Variants in NR2F2 observed in about 807,000 individuals in gnomAD.
NR2F2 encodes the protein nuclear receptor subfamily 2 group F member 2.
A neutral mutation model predicts 34.8 loss-of-function variants in NR2F2; 2 were observed. The observed-to-expected ratio is 0.06, with a 90% CI of 0.02 to 0.18. The LOEUF is 0.18. NR2F2 is among the 10% of genes least tolerant of loss of function. NR2F2 has a pLI of 1.00. For missense variants in NR2F2, 300 were observed against 580.1 expected, an observed-to-expected ratio of 0.52 and a Z score of 4.96; for synonymous variants, 274 against 251.8, an observed-to-expected ratio of 1.09 and a Z score of -0.84.
At chr15:96,337,056 G>T (rs1899348024) in intron 2 of NR2F2, among the ~76,000 whole-genome samples, 1 of 152,166 alleles carries the variant, frequency 6.6e-6, no homozygotes, top group Non-Finnish European at 1.5e-5. Context: ...AATGACCCAG[G>T]CTAAGGACTC....
chr15:96,328,566 G>T (rs1375393374), upstream of NR2F2, among the ~76,000 whole-genome samples: 1 of 152,192 alleles, frequency 6.6e-6, no homozygotes, highest in African/African-American at 2.4e-5. Context: ...AATCATAGAG[G>T]TTGGAAGGGA....
At chr15:96,330,146 G>A (rs1899088579), upstream of NR2F2, among the ~76,000 whole-genome samples, 1 of 152,118 alleles carries the variant, frequency 6.6e-6, no homozygotes, top group Admixed American at 6.5e-5. Context: ...AAGAAACCAG[G>A]GAACTTTTCT....
chr15:96,332,023 A>G lies in NR2F2; in HGVS notation c.-83A>G, dbSNP rs1387665663. 3.3e-6 allele frequency: 4 copies of G among 1,226,100 alleles called. No homozygotes were observed. The highest frequency in any genetic ancestry group is 7.0e-5 in the East Asian group (2 of 28,628). 76.0% of individuals were successfully genotyped at this position (1,226,100 alleles called of 1,614,324 possible). A position where few individuals can be genotyped will look rare whatever the true frequency, so the allele number is the denominator to read the frequency against. ...GCACACACAAAAGGCGGCGCGCCGG[A>G]GCCCGAGACCCGGGGAGCCGCCGCC... On this transcript the variant is annotated 5_prime_UTR_variant, in exon 1 of 3. Coordinates refer to ENST00000394166, the MANE Select transcript of NR2F2 (RefSeq NM_021005.4).
chr15:96,329,658 G>A (rs1377371912), upstream of NR2F2, among the ~76,000 whole-genome samples: 1 of 152,174 alleles, frequency 6.6e-6, no homozygotes, highest in Non-Finnish European at 1.5e-5. Context: ...GCGCTTACAT[G>A]TGTGTACAGA....
At position 96,331,262 on chromosome 15, in the gene NR2F2, C is replaced by G. The variant is rs1899131299; in HGVS notation, c.-844C>G. 1 of 993,752 alleles carries G rather than the reference C, an allele frequency of 1.0e-6. No individual in the cohort carries two copies. The highest frequency in any genetic ancestry group is 4.5e-5 in the South Asian group (1 of 22,162). The allele number at this position is 993,752 out of a possible 1,614,324, so 61.6% of individuals were successfully genotyped here. On this transcript the variant is annotated 5_prime_UTR_variant, in exon 1 of 3. Coordinates refer to ENST00000394166, the MANE Select transcript of NR2F2 (RefSeq NM_021005.4). Reference sequence around the variant, plus strand: ...GGCGGCGGCCGGAGAGAGCGAGGCGCGCGCCGGACGCCCGGGGCAGGCGGC... The same window carrying G: ...GGCGGCGGCCGGAGAGAGCGAGGCGGGCGCCGGACGCCCGGGGCAGGCGGC...
At chr15:96,333,306 G>T in intron 1 of NR2F2, 1 of 995,364 alleles carries the variant, frequency 1.0e-6, no homozygotes, top group Non-Finnish European at 1.2e-6. Context: ...CCAACGCCGG[G>T]GTTTCTTTGT....
chr15:96,327,245 A>G (rs920746231), upstream of NR2F2: 3 of 152,124 alleles, frequency 2.0e-5, no homozygotes, highest in Admixed American at 6.5e-5. Context: ...AGATCCGAGT[A>G]CGGTCCAACC....
Position 96,331,558 on chromosome 15 carries a change from TCAC to T in NR2F2, c.-540_-538del. On this transcript the variant is annotated 5_prime_UTR_variant, in exon 1 of 3. Coordinates refer to ENST00000394166, the MANE Select transcript of NR2F2 (RefSeq NM_021005.4). ...CTCTCCTCCTCCTCTACCTCCTCCT[TCAC>T]CACCACCTCCTCTTCCTCCTCCTCC... The T allele has an allele frequency of 8.2e-7, 1 of 1,221,294 alleles. No individual in the cohort carries two copies. The highest frequency in any genetic ancestry group is 1.0e-6 in the Non-Finnish European group (1 of 982,410). The allele number at this position is 1,221,294 out of a possible 1,614,324, so 75.7% of individuals were successfully genotyped here.
At position 96,338,986 on chromosome 15, in the gene NR2F2, G is replaced by C. The variant is rs528408653; in HGVS notation, c.*1364G>C. On this transcript the variant is annotated 3_prime_UTR_variant, in exon 3 of 3. Transcript: ENST00000394166. ...TTTAATTTGGGTGTGTGTGTGTTGG[G>C]GGGGGAGCTGAAGTTAATGGTTTAT... 1 of 149,258 alleles carries C rather than the reference G, an allele frequency of 6.7e-6. No individual in the cohort carries two copies. Among genetic ancestry groups the C allele is most frequent in the African/African-American group, 2.5e-5 (1 of 40,482 alleles). The allele number at this position is 149,258 out of a possible 1,614,324, so 9.2% of individuals were successfully genotyped here.
chr15:96,327,612 T>C (rs1236656008), upstream of NR2F2, among the ~76,000 whole-genome samples: 1 of 152,144 alleles, frequency 6.6e-6, no homozygotes, highest in Non-Finnish European at 1.5e-5. Context: ...CCTTTCCCTA[T>C]TCATGGAGCT....
chr15:96,335,693 C>T (rs879064621), intron 2 of NR2F2, among the ~76,000 whole-genome samples: 3 of 152,202 alleles, frequency 2.0e-5, no homozygotes, highest in South Asian at 4.1e-4. Context: ...TAACAGGAAA[C>T]GAGGAGAGAT....
At chr15:96,330,225 C>A (rs369576069), upstream of NR2F2, among the ~76,000 whole-genome samples, 2 of 152,160 alleles carry the variant, frequency 1.3e-5, no homozygotes, top group Admixed American at 6.5e-5. Context: ...TTCGTGACAT[C>A]GCCAAGTTGC....
Position 96,331,366 on chromosome 15 carries a change from G to C in NR2F2, c.-740G>C. ...CTTTCATGCTGATTCCCCCGGACCCGGGCAGCGCTCCGGCCACTCCGCGGG... is the reference window on the plus strand; with the variant it reads ...CTTTCATGCTGATTCCCCCGGACCCCGGCAGCGCTCCGGCCACTCCGCGGG... On this transcript the variant is annotated 5_prime_UTR_variant, in exon 1 of 3. Coordinates refer to ENST00000394166, the MANE Select transcript of NR2F2 (RefSeq NM_021005.4). 8.2e-7 allele frequency: 1 copy of C among 1,219,530 alleles called. No homozygotes were observed. Among genetic ancestry groups the C allele is most frequent in the Non-Finnish European group, 1.0e-6 (1 of 980,294 alleles). 75.5% of individuals were successfully genotyped at this position (1,219,530 alleles called of 1,614,324 possible).
chr15:96,326,429 T>C (rs1033465232), upstream of NR2F2: 2 of 1,274,252 alleles, frequency 1.6e-6, no homozygotes, highest in African/African-American at 2.9e-5. This position sits in a 1 kb window ranked among gnomAD's most constrained non-coding sequence, Gnocchi z 5.5. Context: ...GGGTTGGGGA[T>C]GACTTGGGGC....
Position 96,330,973 on chromosome 15 carries a change from T to C in NR2F2, c.-1133T>C. 1 of 1,191,810 alleles carries C rather than the reference T, an allele frequency of 8.4e-7. No individual in the cohort carries two copies. The highest frequency in any genetic ancestry group is 3.4e-5 in the East Asian group (1 of 29,396). 73.8% of individuals were successfully genotyped at this position (1,191,810 alleles called of 1,614,324 possible). ...AAGGATGTGCTTCTAGGTGGTGATCTGCCCTCCTCTCTCTCTTTTATCATT... is the reference window on the plus strand; with the variant it reads ...AAGGATGTGCTTCTAGGTGGTGATCCGCCCTCCTCTCTCTCTTTTATCATT... On this transcript the variant is annotated 5_prime_UTR_variant, in exon 1 of 3. Transcript: ENST00000394166.
chr15:96,332,017 CGCCGGA>C lies in NR2F2; in HGVS notation c.-85_-80del. 1 of 1,227,692 alleles carries C rather than the reference CGCCGGA, an allele frequency of 8.1e-7. No individual in the cohort carries two copies. The highest frequency in any genetic ancestry group is 1.0e-6 in the Non-Finnish European group (1 of 984,408). 76.0% of individuals were successfully genotyped at this position (1,227,692 alleles called of 1,614,324 possible). On this transcript the variant is annotated 5_prime_UTR_variant, in exon 1 of 3. Coordinates refer to ENST00000394166, the MANE Select transcript of NR2F2 (RefSeq NM_021005.4). ...ACCCTCGCACACACAAAAGGCGGCG[CGCCGGA>C]GCCCGAGACCCGGGGAGCCGCCGCC...
rs1198655450 is a variant in NR2F2, at chr15:96,331,406, C to T, written c.-700C>T. On this transcript the variant is annotated 5_prime_UTR_variant, in exon 1 of 3. Coordinates refer to ENST00000394166, the MANE Select transcript of NR2F2 (RefSeq NM_021005.4). ...CACTCCGCGGGCCGCCGGCCTCCGC[C>T]CCGGCCTGCCTGGCTCCCTGGGCGC... 3 of 1,229,792 alleles carry T rather than the reference C, an allele frequency of 2.4e-6. No homozygotes were observed. Among genetic ancestry groups the T allele is most frequent in the Non-Finnish European group, 3.0e-6 (3 of 986,964 alleles). The allele number at this position is 1,229,792 out of a possible 1,614,324, so 76.2% of individuals were successfully genotyped here. A position where few individuals can be genotyped will look rare whatever the true frequency, so the allele number is the denominator to read the frequency against.
rs1275572473 is a variant in NR2F2 at position 96,340,023 on chromosome 15, A to G, written c.*2401A>G. ...CTTATTTCTGTAGATATATACATATATAAATACAAGTATGTTCTTACGGCA... is the reference window on the plus strand; with the variant it reads ...CTTATTTCTGTAGATATATACATATGTAAATACAAGTATGTTCTTACGGCA... On this transcript the variant is annotated 3_prime_UTR_variant, in exon 3 of 3. Transcript: ENST00000394166. 1 of 152,260 alleles carries G rather than the reference A, an allele frequency of 6.6e-6. No homozygotes were observed. The highest frequency in any genetic ancestry group is 6.5e-5 in the Admixed American group (1 of 15,288). The allele number at this position is 152,260 out of a possible 1,614,324, so 9.4% of individuals were successfully genotyped here.
intron 2 of NR2F2, among the ~76,000 whole-genome samples, chr15:96,335,403 A>T (rs1196067286): frequency 6.6e-6 from 1 of 152,242 alleles, no homozygotes; most frequent in African/African-American, 2.4e-5. Context: ...TGTGTGAGTA[A>T]TAGAGCTGAT....
Sources: gnomAD v4.1 joint callset for allele counts (sites outside exome capture counted in the v4.1 genomes callset) on GRCh38, gnomAD v4.1.1 for gene constraint, Gnocchi (gnomAD v3.1) non-coding constraint, MANE v1.5 for transcripts, NCBI Gene and HGNC (gene_info 2026-07-23, HGNC 2026-07-21) for gene names.